GRIP1: variants seen among roughly 807,000 people sequenced by gnomAD.
GRIP1 encodes the protein glutamate receptor interacting protein 1, also known as glutamate receptor-interacting protein 1.
A neutral mutation model predicts 129.9 loss-of-function variants in GRIP1; 45 were observed. The ratio of observed to expected loss-of-function variants is 0.35; its 90% CI spans 0.27 to 0.44. GRIP1 has a LOEUF of 0.44. GRIP1 is among the 20% of genes least tolerant of loss of function. GRIP1 has a pLI of 1.00. For missense variants in GRIP1, 1,196 were observed against 1,396.8 expected, an observed-to-expected ratio of 0.86 and a Z score of 2.29; for synonymous variants, 530 against 520.8, an observed-to-expected ratio of 1.02 and a Z score of -0.24.
rs372744924 is a variant in GRIP1, at chr12:66,948,846, T to C, written c.58+120204A>G. Among the ~76,000 whole-genome samples, 140 of 140,392 alleles carry C rather than the reference T, an allele frequency of 1.0e-3. 3 individuals are homozygous for C. Among genetic ancestry groups the C allele is most frequent in the African/African-American group, 3.5e-3 (133 of 37,996 alleles). 92.1% of individuals were successfully genotyped at this position (140,392 alleles called of 152,430 possible). The stretch of plus-strand genomic sequence containing the variant: ...TTCCTACCACAGAAAAATGAAGCTG[T>C]AGAATTTTATTTTATGAAATTTGTT... On this transcript the variant is annotated intron_variant, in intron 1 of 1. Coordinates refer to the GRIP1 transcript ENST00000643019.
At chr12:66,737,928 G>A (rs1234863495) in intron 1 of GRIP1, among the ~76,000 whole-genome samples, 1 of 152,160 alleles carries the variant, frequency 6.6e-6, no homozygotes, top group Non-Finnish European at 1.5e-5. Flanking sequence ...AAAAGAGAAA[G>A]GGCAGGCTGC....
intron 1 of GRIP1, among the ~76,000 whole-genome samples, chr12:66,620,839 GCTT>G (rs2065240985): frequency 6.6e-6 from 1 of 151,712 alleles, no homozygotes; most frequent in Non-Finnish European, 1.5e-5. Context: ...TGCATAAGCT[GCTT>G]CTTCCTCATC....
chr12:66,683,527 A>G (rs146396269), upstream of GRIP1, among the ~76,000 whole-genome samples: 5 of 152,334 alleles, frequency 3.3e-5, no homozygotes, highest in Admixed American at 6.5e-5. Context: ...ACATTTTTAT[A>G]GAAGTAATGA....
chr12:66,684,560 C>T (rs1472924748), intron 1 of GRIP1, among the ~76,000 whole-genome samples: 5 of 152,110 alleles, frequency 3.3e-5, no homozygotes, highest in African/African-American at 9.7e-5. Context: ...ACTCCCTTCC[C>T]CTGGCGGGGG....
At chr12:66,683,075 G>C (rs1412889494), upstream of GRIP1, among the ~76,000 whole-genome samples, 1 of 151,490 alleles carries the variant, frequency 6.6e-6, no homozygotes, top group African/African-American at 2.4e-5. Context: ...CACATACACA[G>C]TTATTAAATG....
intron 1 of GRIP1, among the ~76,000 whole-genome samples, chr12:66,890,626 T>C (rs1474045912): frequency 6.6e-6 from 1 of 152,126 alleles, no homozygotes; most frequent in Non-Finnish European, 1.5e-5. Flanking sequence ...CAGTATCAAA[T>C]AGTTAGCATC....
At chr12:66,717,268 C>T (rs1364324953) in intron 1 of GRIP1, among the ~76,000 whole-genome samples, 3 of 152,056 alleles carry the variant, frequency 2.0e-5, no homozygotes, top group East Asian at 1.9e-4. Flanking sequence ...TAAGTAAAAG[C>T]CTATATGCCA....
At chr12:66,419,703 C>T (rs2137822141) in intron 15 of GRIP1, among the ~76,000 whole-genome samples, 1 of 152,360 alleles carries the variant, frequency 6.6e-6, no homozygotes, top group South Asian at 2.1e-4. Flanking sequence ...TTCTGTCTTG[C>T]TTGATCCACT....
chr12:66,480,483 T>A (rs1004128281), intron 7 of GRIP1, among the ~76,000 whole-genome samples: 3 of 152,216 alleles, frequency 2.0e-5, no homozygotes, highest in African/African-American at 7.2e-5. Flanking sequence ...ATGGCCATAC[T>A]ACCTAAAGTT....
upstream of GRIP1, among the ~76,000 whole-genome samples, chr12:66,804,458 G>A (rs146560905): frequency 7.7e-3 from 1,178 of 152,044 alleles, 15 homozygotes; most frequent in African/African-American, 0.026. Flanking sequence ...GAGGAAAAGA[G>A]AAAGAAAATG....
chr12:66,979,222 TAAAAAAAAAAAAAAA>T (rs35306665), intron 1 of GRIP1, among the ~76,000 whole-genome samples: 5 of 41,458 alleles, frequency 1.2e-4, no homozygotes, highest in South Asian at 1.6e-3. Flanking sequence ...CTTCTCTTCT[TAAAAAAAAAAAAAAA>T]AAAAAAAAAA....
At chr12:66,983,564 A>C (rs2042268713) in intron 1 of GRIP1, among the ~76,000 whole-genome samples, 1 of 152,216 alleles carries the variant, frequency 6.6e-6, no homozygotes, top group Admixed American at 6.5e-5. Flanking sequence ...TATTTTAATA[A>C]CTGCATCTTG....
intron 11 of GRIP1, among the ~76,000 whole-genome samples, chr12:66,451,492 C>T (rs1426671188): frequency 2.9e-5 from 4 of 135,936 alleles, no homozygotes; most frequent in African/African-American, 1.1e-4. Context: ...CAACCTCCAT[C>T]TTCTGGGCTC....
intron 1 of GRIP1, among the ~76,000 whole-genome samples, chr12:66,772,474 A>G (rs1255151457): frequency 6.6e-6 from 1 of 152,218 alleles, no homozygotes; most frequent in Non-Finnish European, 1.5e-5. Flanking sequence ...GAGAACATCA[A>G]TCCTGTTGGT....
At chr12:66,535,647 G>T (rs927102857) in intron 4 of GRIP1, among the ~76,000 whole-genome samples, 1 of 152,140 alleles carries the variant, frequency 6.6e-6, no homozygotes, top group South Asian at 2.1e-4. Flanking sequence ...TTATTGCCTA[G>T]TCTTGCTGAA....
At position 66,679,018 on chromosome 12, in the gene GRIP1, TG is replaced by T. The variant is rs2034470652; in HGVS notation, c.-115del. 1 of 1,576,280 alleles carries T rather than the reference TG, an allele frequency of 6.3e-7. No individual in the cohort carries two copies. The highest frequency in any genetic ancestry group is 8.6e-7 in the Non-Finnish European group (1 of 1,160,040). On this transcript the variant is annotated 5_prime_UTR_variant, in exon 1 of 25. The change abolishes the stop of an existing upstream ORF in the 5' untranslated region. Transcript: ENST00000359742. Reference sequence around the variant, plus strand: ...CATACCAGGAGAAAGGTAGTCCCAGTGGGGAGTGACAAAGCTTAATTCCTCT... The same window carrying T: ...CATACCAGGAGAAAGGTAGTCCCAGTGGGAGTGACAAAGCTTAATTCCTCT...
At chr12:66,554,966 ACT>A (rs1302176876) in intron 2 of GRIP1, among the ~76,000 whole-genome samples, 1 of 152,060 alleles carries the variant, frequency 6.6e-6, no homozygotes, top group African/African-American at 2.4e-5. Context: ...ATCCAGAGGA[ACT>A]CTCTACCCTG....
intron 1 of GRIP1, among the ~76,000 whole-genome samples, chr12:66,794,143 G>A (rs1175351200): frequency 4.6e-5 from 7 of 152,164 alleles, no homozygotes; most frequent in African/African-American, 9.7e-5. Context: ...CAGAGTAGTA[G>A]ATGGAGAGGA....
chr12:66,443,471 G>C (rs1592880347), intron 13 of GRIP1, among the ~76,000 whole-genome samples: 1 of 148,262 alleles, frequency 6.7e-6, no homozygotes, highest in East Asian at 2.0e-4. Context: ...TTGAGGTGGA[G>C]TTTTGCTCTT....
Sources: gnomAD v4.1 joint callset for allele counts (sites outside exome capture counted in the v4.1 genomes callset) on GRCh38, gnomAD v4.1.1 for gene constraint, MANE v1.5 for transcripts, NCBI Gene and HGNC (gene_info 2026-07-23, HGNC 2026-07-21) for gene names.